The following UROC1 variants were observed in gnomAD, a reference collection of about 807,000 sequenced individuals.
UROC1 encodes the protein urocanate hydratase 1.
Under a neutral mutation model 89.5 loss-of-function variants are expected in UROC1, and 79 were observed. The ratio of observed to expected loss-of-function variants is 0.88; its 90% CI spans 0.74 to 1.06. The LOEUF (loss-of-function observed/expected upper bound fraction) is 1.06. Among genes scored for constraint, UROC1 ranks in the 50% least tolerant of loss-of-function variants. The pLI is 0.00. For missense variants in UROC1, 885 were observed against 907.8 expected (o/e 0.97, Z 0.32); for synonymous variants, 361 against 354.8 (o/e 1.02, Z -0.20).
At chr3:126,517,544 T>G (rs765208718) in intron 1 of UROC1, 50 bp downstream of exon 1, 11 of 1,611,474 alleles carry the variant, frequency 6.8e-6, no homozygotes, top group Non-Finnish European at 9.3e-6. Flanking sequence ...ATGGACCACC[T>G]GGAGGATGCC....
At chr3:126,512,122 G>C (rs771987512) in intron 1 of UROC1, among the ~76,000 whole-genome samples, 2 of 152,234 alleles carry the variant, frequency 1.3e-5, no homozygotes, top group African/African-American at 4.8e-5. Context: ...GCCTTGGACT[G>C]GAGGCAGCTC....
At chr3:126,491,544 G>A (rs981671700) in intron 16 of UROC1, among the ~76,000 whole-genome samples, 2 of 152,238 alleles carry the variant, frequency 1.3e-5, no homozygotes, top group Non-Finnish European at 2.9e-5. Context: ...AGCAGGGCTG[G>A]CTACTGCCTT....
intron 4 of UROC1, 106 bp from the exon 5 acceptor site, chr3:126,508,201 T>G: frequency 6.3e-7 from 1 of 1,597,916 alleles, no homozygotes. Context: ...CCCCCAGGTC[T>G]CCATTCCACT....
chr3:126,510,532 T>C, intron 2 of UROC1, 132 bp downstream of exon 2: 1 of 1,436,540 alleles, frequency 7.0e-7, no homozygotes, highest in African/African-American at 1.4e-5. Context: ...TTCCCTCCCC[T>C]GCCTCCTGGT....
At chr3:126,500,387 G>T (rs191539325) in intron 11 of UROC1, among the ~76,000 whole-genome samples, 29 of 152,168 alleles carry the variant, frequency 1.9e-4, no homozygotes, top group South Asian at 1.2e-3. Flanking sequence ...GCATTTCCTG[G>T]TCCCCAACCC....
intron 3 of UROC1, 137 bp from the exon 4 acceptor site, chr3:126,508,612 C>T (rs552277130): frequency 2.1e-4 from 144 of 689,008 alleles, no homozygotes; most frequent in Admixed American, 1.4e-3. Flanking sequence ...GGCCCAGGGA[C>T]GGACACATCT....
intron 6 of UROC1, 73 bp downstream of exon 6, chr3:126,507,669 T>C: frequency 6.9e-7 from 1 of 1,452,794 alleles, no homozygotes; most frequent in Non-Finnish European, 9.7e-7. Context: ...GTATTTAATA[T>C]CACCACTTTG....
At chr3:126,499,215 C>T (rs1283225330) in intron 13 of UROC1, 122 bp downstream of exon 13, 13 of 1,072,580 alleles carry the variant, frequency 1.2e-5, no homozygotes, top group East Asian at 2.6e-5. Flanking sequence ...GAGGTCTCAG[C>T]GCATGACCTC....
rs776354939 is a variant in UROC1, at chr3:126,481,414, C to G, written c.*931G>C. 1 of 152,126 alleles carries G rather than the reference C, an allele frequency of 6.6e-6. No individual in the cohort carries two copies. Among genetic ancestry groups the G allele is most frequent in the Non-Finnish European group, 1.5e-5 (1 of 68,038 alleles). 9.4% of individuals were successfully genotyped at this position (152,126 alleles called of 1,614,324 possible). ...TGCAGGGAGGGTGGGGACCAAGAACCCGGCTTGGTCCTGGAGAGGGCAGTG... is the reference window on the plus strand; with the variant it reads ...TGCAGGGAGGGTGGGGACCAAGAACGCGGCTTGGTCCTGGAGAGGGCAGTG... On this transcript the variant is annotated 3_prime_UTR_variant, in exon 20 of 20. Coordinates refer to ENST00000290868, the MANE Select transcript of UROC1 (RefSeq NM_144639.3).
At chr3:126,483,249 T>G in intron 19 of UROC1, 120 bp downstream of exon 19, 1 of 892,592 alleles carries the variant, frequency 1.1e-6, no homozygotes, top group Non-Finnish European at 1.8e-6. Flanking sequence ...GCTGTGGTCA[T>G]GAGAGGAATC....
At chr3:126,513,955 C>T (rs926763099) in intron 1 of UROC1, among the ~76,000 whole-genome samples, 1 of 152,176 alleles carries the variant, frequency 6.6e-6, no homozygotes, top group Non-Finnish European at 1.5e-5. Flanking sequence ...TGCACAGAGC[C>T]TCCTTCACCC....
In UROC1 at chr3:126,498,140, C is replaced by A. The variant is rs200384323; in HGVS notation, c.1349G>T (p.Arg450Leu). The change falls in exon 14 of 20, where the codon CGC (arginine) becomes CTC (leucine). Residue 450 changes from arginine to leucine, a missense_variant. By Grantham distance (102) the Arg-to-Leu change is moderately radical. Coordinates refer to ENST00000290868, the MANE Select transcript of UROC1 (RefSeq NM_144639.3). ...DIFSQGFGPF[R>L]WVCTSGDPQD... is the part of the protein sequence containing the mutation. ...GGGGTCCCCCGATGTGCACACCCAG[C>A]GGAAAGGCCCAAATCCCTGGGAGAA... 14 of 1,614,168 alleles carry A rather than the reference C, an allele frequency of 8.7e-6. No individual in the cohort carries two copies. The highest frequency in any genetic ancestry group is 1.1e-5 in the South Asian group (1 of 91,086).
At position 126,482,503 on chromosome 3, in the gene UROC1, A is replaced by T. The variant is rs756707995; in HGVS notation, c.1891-18T>A. On this transcript the variant is annotated intron_variant, in intron 19 of 19. Coordinates refer to ENST00000290868, the MANE Select transcript of UROC1 (RefSeq NM_144639.3). The stretch of plus-strand genomic sequence containing the variant: ...CGGGCCACCTAGGGCAAGGAGGGGG[A>T]TAGCAGTCCATGTCAACATAACCGG... The T allele has an allele frequency of 1.4e-5, 23 of 1,613,524 alleles. No homozygotes were observed. The highest frequency in any genetic ancestry group is 1.9e-5 in the Non-Finnish European group (23 of 1,179,964).
rs754639199 is a variant in UROC1 at position 126,507,963 on chromosome 3, CCA to C, written c.540+2_540+3del. Reference sequence around the variant, plus strand: ...AGGTGCTGTGCCACCTGCTGGGGACCCACCATCCCATTGGTGATGACGAGCCG... The same window carrying C: ...AGGTGCTGTGCCACCTGCTGGGGACCCCATCCCATTGGTGATGACGAGCCG... On this transcript the variant is annotated splice_donor_variant and splice_donor_region_variant and intron_variant, in intron 5 of 19. Coordinates refer to ENST00000290868, the MANE Select transcript of UROC1 (RefSeq NM_144639.3). LOFTEE classifies it high-confidence loss of function. The C allele has an allele frequency of 1.9e-6, 3 of 1,613,856 alleles. No individual in the cohort carries two copies. The highest frequency in any genetic ancestry group is 2.7e-5 in the African/African-American group (2 of 75,030).
intron 1 of UROC1, 141 bp downstream of exon 1, chr3:126,517,453 C>A: frequency 1.5e-6 from 2 of 1,312,494 alleles, no homozygotes; most frequent in Non-Finnish European, 2.1e-6. Context: ...GCATTGCACC[C>A]GCACAGGCTG....
chr3:126,505,643 G>GGGA, intron 8 of UROC1, 58 bp downstream of exon 8: 1 of 1,599,408 alleles, frequency 6.3e-7, no homozygotes, highest in East Asian at 2.2e-5. Flanking sequence ...GAAGAAGGGA[G>GGGA]GGAGGGAGGG....
rs1271612601 is a variant in UROC1, at chr3:126,498,073, C to T, written c.1416G>A (p.Leu472=). 2 of 1,614,150 alleles carry T rather than the reference C, an allele frequency of 1.2e-6. No individual in the cohort carries two copies. Among genetic ancestry groups the T allele is most frequent in the Admixed American group, 3.3e-5 (2 of 60,030 alleles). The change falls in exon 14 of 20, where the codon CTG becomes CTA. Residue 472 remains leucine (L), a synonymous_variant. Coordinates refer to ENST00000290868, the MANE Select transcript of UROC1 (RefSeq NM_144639.3). Reference sequence around the variant, plus strand: ...CACCTCCATCAGCAATGGCTTCCTCCAGCACAGATGTGGCCAGTTCGTCTG... The same window carrying T: ...CACCTCCATCAGCAATGGCTTCCTCTAGCACAGATGTGGCCAGTTCGTCTG... ...AVTDELATSV[L]EEAIADGVKV...
chr3:126,500,687 A>C lies in UROC1; in HGVS notation c.1145+8T>G. 1 of 1,614,106 alleles carries C rather than the reference A, an allele frequency of 6.2e-7. No individual in the cohort carries two copies. Among genetic ancestry groups the C allele is most frequent in the Non-Finnish European group, 8.5e-7 (1 of 1,180,028 alleles). On this transcript the variant is annotated splice_region_variant and intron_variant, in intron 11 of 19. Coordinates refer to ENST00000290868, the MANE Select transcript of UROC1 (RefSeq NM_144639.3). ...AATGCTTCTGCCACCCCCAACTCCA[A>C]GTAGCACCTTTCCTGGACCAGGTCC...
Position 126,509,667 on chromosome 3 carries a change from A to G in UROC1, c.269T>C (p.Ile90Thr). 1.9e-6 allele frequency: 3 copies of G among 1,551,860 alleles called. No homozygotes were observed. The highest frequency in any genetic ancestry group is 1.7e-4 in the Middle Eastern group (1 of 5,980). Reference sequence around the variant, plus strand: ...TTTCGTCTGGCAGGGGTACTGCTCAATCGGGTAGGCCCTGCAAGGGAAAGC... The same window carrying G: ...TTTCGTCTGGCAGGGGTACTGCTCAGTCGGGTAGGCCCTGCAAGGGAAAGC... ...CPDIEMRAYP[I>T]EQYPCQTKVA... is the part of the protein sequence containing the mutation. Residue 90 changes from isoleucine to threonine, a missense_variant, in exon 3 of 20, where the codon ATT becomes ACT. By Grantham distance (89) the Ile-to-Thr change is moderately conservative (BLOSUM62 -1). Transcript: ENST00000290868.
Sources: allele counts gnomAD v4.1 joint callset (sites outside exome capture counted in the v4.1 genomes callset), GRCh38; gene constraint gnomAD v4.1.1; transcripts MANE v1.5; gene names NCBI Gene and HGNC (gene_info 2026-07-23, HGNC 2026-07-21).